Variants in C2orf92 observed in about 807,000 individuals in gnomAD.
The protein encoded by C2orf92 is chromosome 2 open reading frame 92.
At chr2:97,698,628 A>G (rs1676388352) in intron 5 of C2orf92, among the ~76,000 whole-genome samples, 1 of 152,128 alleles carries the variant, frequency 6.6e-6, no homozygotes, top group Admixed American at 6.5e-5. Context: ...GAGGTTCTCT[A>G]AGTGTGGTCC....
At chr2:97,667,411 C>T (rs569529250), upstream of C2orf92, among the ~76,000 whole-genome samples, 8 of 150,804 alleles carry the variant, frequency 5.3e-5, no homozygotes, top group African/African-American at 1.5e-4. Context: ...CACAGGTTCC[C>T]GCCACCATGC....
chr2:97,686,465 G>A (rs1183362013), intron 3 of C2orf92, among the ~76,000 whole-genome samples: 1 of 151,946 alleles, frequency 6.6e-6, no homozygotes, highest in Non-Finnish European at 1.5e-5. Context: ...TGTCACCCAG[G>A]CTGGAGTGCA....
At chr2:97,666,867 A>T (rs1013467402), upstream of C2orf92, 10 of 144,172 alleles carry the variant, frequency 6.9e-5, no homozygotes, top group African/African-American at 1.8e-4. Flanking sequence ...AAAAAAAAGC[A>T]GTTGATTTTA....
upstream of C2orf92, among the ~76,000 whole-genome samples, chr2:97,667,728 G>A (rs1381708355): frequency 2.0e-5 from 3 of 152,044 alleles, 1 homozygote; most frequent in Non-Finnish European, 4.4e-5. Flanking sequence ...CACCGTGCCT[G>A]GCCCCAAAGA....
intron 1 of C2orf92, among the ~76,000 whole-genome samples, chr2:97,672,005 C>T (rs912050500): frequency 6.6e-6 from 1 of 152,224 alleles, no homozygotes; most frequent in Admixed American, 6.5e-5. Flanking sequence ...CACTCTGAAC[C>T]TTCCACTGAA....
At chr2:97,670,101 T>A (rs1230815495) in intron 1 of C2orf92, 1 of 332,294 alleles carries the variant, frequency 3.0e-6, no homozygotes, top group African/African-American at 2.1e-5. Context: ...CTGTAAGCAT[T>A]TCCAAACATA....
At chr2:97,698,897 A>T (rs903971470) in intron 5 of C2orf92, 129 bp from the exon 6 acceptor site, 1 of 394,862 alleles carries the variant, frequency 2.5e-6, no homozygotes, top group African/African-American at 2.1e-5. Context: ...TCTGTAGGAC[A>T]TTTAGACTTT....
chr2:97,700,320 AG>A (rs1676449892), intron 6 of C2orf92, among the ~76,000 whole-genome samples: 1 of 152,120 alleles, frequency 6.6e-6, no homozygotes, highest in African/African-American at 2.4e-5. Flanking sequence ...TACACACACG[AG>A]GCAGATTGTG....
upstream of C2orf92, chr2:97,669,653 A>G: frequency 2.5e-6 from 1 of 393,952 alleles, no homozygotes; most frequent in Non-Finnish European, 4.5e-6. Context: ...CTCATGGTTG[A>G]GCAGGCTCCA....
Position 97,699,074 on chromosome 2 carries a change from G to C in C2orf92, c.452G>C (p.Arg151Thr). ...KNFKESCLFD[R>T]DLREQLTTID... The stretch of plus-strand genomic sequence containing the variant: ...TTTAAAGAATCCTGTCTGTTCGACA[G>C]GGATTTAAGAGAGCAGTTAACTACT... The change falls in exon 6 of 8, where the codon AGG (arginine) becomes ACG (threonine). Residue 151 changes from arginine to threonine, a missense_variant. Coordinates refer to ENST00000627399, the MANE Select transcript of C2orf92 (RefSeq NM_001351368.2). 1 of 398,570 alleles carries C rather than the reference G, an allele frequency of 2.5e-6. No homozygotes were observed. The highest frequency in any genetic ancestry group is 4.4e-5 in the Admixed American group (1 of 22,736). The allele number at this position is 398,570 out of a possible 1,614,324, so 24.7% of individuals were successfully genotyped here.
chr2:97,687,177 C>A (rs868000873), intron 3 of C2orf92, among the ~76,000 whole-genome samples: 1 of 152,030 alleles, frequency 6.6e-6, no homozygotes, highest in African/African-American at 2.4e-5. Flanking sequence ...CCAGCCTAGG[C>A]AACATAGCAA....
chr2:97,699,819 T>C (rs1390386994), intron 6 of C2orf92, among the ~76,000 whole-genome samples: 3 of 152,224 alleles, frequency 2.0e-5, no homozygotes, highest in Non-Finnish European at 4.4e-5. Context: ...TATACCTGGT[T>C]GTCACTTCCT....
intron 3 of C2orf92, chr2:97,677,573 A>T (rs62157578): frequency 0.12 from 18,110 of 152,254 alleles, 1,643 homozygotes; most frequent in Non-Finnish European, 0.18. Flanking sequence ...GCAAAAATCA[A>T]CAATCACTGA....
At chr2:97,685,483 T>A (rs891537746) in intron 3 of C2orf92, among the ~76,000 whole-genome samples, 1 of 152,126 alleles carries the variant, frequency 6.6e-6, no homozygotes. Flanking sequence ...GCCAGGATGG[T>A]CTCAATCTCC....
rs112253073 is a variant in C2orf92 at position 97,701,224 on chromosome 2, C to A, written c.585C>A (p.Ala195=). 2.5e-6 allele frequency: 1 copy of A among 398,970 alleles called. No homozygotes were observed. Among genetic ancestry groups the A allele is most frequent in the South Asian group, 1.3e-4 (1 of 7,858 alleles). The allele number at this position is 398,970 out of a possible 1,614,324, so 24.7% of individuals were successfully genotyped here. The change falls in exon 7 of 8, where the codon GCC becomes GCA. Residue 195 remains alanine, a synonymous_variant. Transcript: ENST00000627399. ...HFLQRNTIIA[A]VSGVAILMAI... is the part of the protein sequence containing the mutation. ...TGCAGAGGAACACCATCATCGCCGC[C>A]GTCTCAGGGGTGGCCATCCTCATGG...
At chr2:97,691,309 C>A (rs1281989968) in intron 5 of C2orf92, among the ~76,000 whole-genome samples, 1 of 152,216 alleles carries the variant, frequency 6.6e-6, no homozygotes, top group Non-Finnish European at 1.5e-5. Flanking sequence ...ACACCTGGTG[C>A]CTCCTCCCAA....
chr2:97,677,341 G>T lies in C2orf92; in HGVS notation c.232+1413G>T, dbSNP rs568392687. On this transcript the variant is annotated intron_variant, in intron 3 of 7. Transcript: ENST00000627399. ...AAATGCCAGTTAAAAAACTCTATGG[G>T]CTGAAGAGGCTTCCAAGCAGCCCTG... The T allele has an allele frequency of 5.3e-5, 8 of 152,314 alleles. No homozygotes were observed. The South Asian group carries it at 1.7e-3, about 32-fold the overall frequency. The allele number at this position is 152,314 out of a possible 1,614,324, so 9.4% of individuals were successfully genotyped here.
At chr2:97,685,621 GGC>G (rs1675935462) in intron 3 of C2orf92, among the ~76,000 whole-genome samples, 1 of 151,682 alleles carries the variant, frequency 6.6e-6, no homozygotes, top group Non-Finnish European at 1.5e-5. Flanking sequence ...GGAGGGCAGT[GGC>G]GCAATCTCGG....
chr2:97,687,486 A>G (rs1046407006), intron 3 of C2orf92, among the ~76,000 whole-genome samples: 1 of 152,192 alleles, frequency 6.6e-6, no homozygotes, highest in Non-Finnish European at 1.5e-5. Flanking sequence ...TGAGATGGAG[A>G]AAAGGGTTCT....
Sources: gnomAD v4.1 joint callset for allele counts (sites outside exome capture counted in the v4.1 genomes callset) on GRCh38, gnomAD v4.1.1 for gene constraint, MANE v1.5 for transcripts, NCBI Gene and HGNC (gene_info 2026-07-23, HGNC 2026-07-21) for gene names.